Variants in PPIL1 observed in about 807,000 individuals in gnomAD.
PPIL1 encodes the protein peptidylprolyl isomerase like 1.
PPIL1 carries 14 observed loss-of-function variants against 19.4 expected under a neutral mutation model. That is an observed-to-expected ratio of 0.72 (90% CI 0.48 to 1.13). The LOEUF (loss-of-function observed/expected upper bound fraction) is 1.13, where lower values mean the gene tolerates loss of function less well. Ranked by LOEUF, PPIL1 falls within the 50% of genes most tolerant of loss-of-function variation. PPIL1 has a pLI of 0.00. For synonymous variants in PPIL1, 72 were observed against 73.6 expected, an observed-to-expected ratio of 0.98 and a Z score of 0.11; for missense variants, 192 against 218.0, an observed-to-expected ratio of 0.88 and a Z score of 0.75.
At chr6:36,857,322 C>T (rs989289032) in intron 2 of PPIL1, among the ~76,000 whole-genome samples, 1 of 152,102 alleles carries the variant, frequency 6.6e-6, no homozygotes, top group Non-Finnish European at 1.5e-5. Flanking sequence ...ACATTACGGT[C>T]GGCAGAGTCC....
chr6:36,859,657 G>A (rs1401531876), intron 2 of PPIL1, among the ~76,000 whole-genome samples: 1 of 152,230 alleles, frequency 6.6e-6, no homozygotes, highest in Non-Finnish European at 1.5e-5. Context: ...AGTGAGAGGT[G>A]GCAGAGGGAC....
At chr6:36,867,485 A>G (rs977763580) in intron 2 of PPIL1, among the ~76,000 whole-genome samples, 5 of 152,384 alleles carry the variant, frequency 3.3e-5, no homozygotes, top group African/African-American at 7.2e-5. Flanking sequence ...TGAGATTCTC[A>G]CAAATACCCT....
intron 1 of PPIL1, 134 bp downstream of exon 1, chr6:36,874,583 C>A: frequency 2.5e-6 from 3 of 1,211,610 alleles, no homozygotes; most frequent in Non-Finnish European, 3.6e-6. Context: ...CCTCTGGGGG[C>A]CGTCTCGGCC....
rs891013396 is a variant in PPIL1, at chr6:36,855,355, G to A, written c.*458C>T. 4 of 191,612 alleles carry A rather than the reference G, an allele frequency of 2.1e-5. No individual in the cohort carries two copies. The highest frequency in any genetic ancestry group is 1.1e-4 in the South Asian group (1 of 9,446). The allele number at this position is 191,612 out of a possible 1,614,324, so 11.9% of individuals were successfully genotyped here. On this transcript the variant is annotated 3_prime_UTR_variant, in exon 4 of 4. Transcript: ENST00000373699. ...CAAATGTAAAAGACTGAAATAGGGC[G>A]TGCACAGAGTTAAGAGGGCTGACAG...
At chr6:36,862,169 G>A (rs1441418129) in intron 2 of PPIL1, among the ~76,000 whole-genome samples, 11 of 85,244 alleles carry the variant, frequency 1.3e-4, no homozygotes, top group Non-Finnish European at 1.6e-4. Context: ...ACTTGTCCCC[G>A]CCCCTCCCAC....
At chr6:36,868,958 T>C (rs1335737810) in intron 2 of PPIL1, among the ~76,000 whole-genome samples, 1 of 152,136 alleles carries the variant, frequency 6.6e-6, no homozygotes, top group African/African-American at 2.4e-5. Context: ...TGGTCTTTTT[T>C]TCTTCCTTTT....
intron 2 of PPIL1, among the ~76,000 whole-genome samples, chr6:36,868,525 T>G (rs1484705612): frequency 6.6e-6 from 1 of 152,128 alleles, no homozygotes; most frequent in Admixed American, 6.5e-5. Flanking sequence ...GCCTCAGTAT[T>G]CTCCAAAACC....
Position 36,871,693 on chromosome 6 carries a change from TAAAC to T in PPIL1, c.211+21_211+24del. The T allele has an allele frequency of 1.9e-6, 3 of 1,560,844 alleles. No homozygotes were observed. The South Asian group carries it at 3.7e-5, about 19-fold the overall frequency. ...AAAAGGAGAAAAAAAAAAGAAAACATAAACTAATGTTGGCTTAACTGTACCTGTC... is the reference window on the plus strand; with the variant it reads ...AAAAGGAGAAAAAAAAAAGAAAACATTAATGTTGGCTTAACTGTACCTGTC... On this transcript the variant is annotated intron_variant, in intron 2 of 3. Transcript: ENST00000373699.
intron 2 of PPIL1, among the ~76,000 whole-genome samples, chr6:36,869,850 A>G (rs1179063582): frequency 1.3e-5 from 2 of 152,232 alleles, no homozygotes; most frequent in Non-Finnish European, 2.9e-5. Flanking sequence ...AATTAAATGT[A>G]ATATGTTCTG....
At chr6:36,859,682 G>C (rs1774240322) in intron 2 of PPIL1, among the ~76,000 whole-genome samples, 1 of 152,116 alleles carries the variant, frequency 6.6e-6, no homozygotes, top group African/African-American at 2.4e-5. Flanking sequence ...AATGATTAAA[G>C]AGTTCTCCAG....
Position 36,855,776 on chromosome 6 carries a change from G to A in PPIL1, c.*37C>T, listed in dbSNP as rs768198408. 16 of 1,593,374 alleles carry A rather than the reference G, an allele frequency of 1.0e-5. No individual in the cohort carries two copies. The Admixed American group carries it at 2.5e-4, about 25-fold the overall frequency. On this transcript the variant is annotated 3_prime_UTR_variant, in exon 4 of 4. Coordinates refer to ENST00000373699, the MANE Select transcript of PPIL1 (RefSeq NM_016059.5). ...TGTCATCTAGAAGCTGGTTCACTGGGGCCATCTCAGAAGAGCTGCTCAAGA... is the reference window on the plus strand; with the variant it reads ...TGTCATCTAGAAGCTGGTTCACTGGAGCCATCTCAGAAGAGCTGCTCAAGA...
rs1280288281 is a variant in PPIL1 at position 36,855,302 on chromosome 6, A to T, written c.*511T>A. The T allele has an allele frequency of 1.9e-5, 3 of 161,144 alleles. No individual in the cohort carries two copies. Among genetic ancestry groups the T allele is most frequent in the African/African-American group, 4.8e-5 (2 of 41,562 alleles). 10.0% of individuals were successfully genotyped at this position (161,144 alleles called of 1,614,324 possible). On this transcript the variant is annotated 3_prime_UTR_variant, in exon 4 of 4. Coordinates refer to ENST00000373699, the MANE Select transcript of PPIL1 (RefSeq NM_016059.5). ...TCTGGTTTTGAGAGGGAAAATATAT[A>T]TAGAGATGCATACATTCCCTAGAAG...
chr6:36,870,110 A>AC (rs35802717), intron 2 of PPIL1, among the ~76,000 whole-genome samples: 29,711 of 151,066 alleles, frequency 0.2, 3,165 homozygotes, highest in East Asian at 0.28. Flanking sequence ...AAAAAAAAAA[A>AC]AACCCAAAAA....
At chr6:36,872,634 G>T (rs898987233) in intron 1 of PPIL1, among the ~76,000 whole-genome samples, 21 of 151,586 alleles carry the variant, frequency 1.4e-4, no homozygotes, top group Non-Finnish European at 2.9e-4. Flanking sequence ...TTTGAGAAAG[G>T]GTCTCCTCTG....
chr6:36,871,696 A>G, intron 2 of PPIL1, 22 bp downstream of exon 2: 2 of 1,565,886 alleles, frequency 1.3e-6, no homozygotes, highest in South Asian at 1.2e-5. Context: ...GAAAACATAA[A>G]CTAATGTTGG....
At chr6:36,857,208 T>C (rs963293063) in intron 2 of PPIL1, among the ~76,000 whole-genome samples, 3 of 152,192 alleles carry the variant, frequency 2.0e-5, no homozygotes, top group African/African-American at 7.2e-5. Flanking sequence ...AGTTGAAACC[T>C]ATTTGCCACC....
chr6:36,858,384 G>C (rs1379603385), intron 2 of PPIL1, among the ~76,000 whole-genome samples: 1 of 151,992 alleles, frequency 6.6e-6, no homozygotes, highest in African/African-American at 2.4e-5. Context: ...TCTCCAAGTT[G>C]AACGGTCACG....
At position 36,854,912 on chromosome 6, in the gene PPIL1, C is replaced by T. The variant is rs1774137315; in HGVS notation, c.*901G>A. 6.5e-6 allele frequency: 1 copy of T among 152,682 alleles called. No homozygotes were observed. The highest frequency in any genetic ancestry group is 2.4e-5 in the African/African-American group (1 of 41,468). The allele number at this position is 152,682 out of a possible 1,614,324, so 9.5% of individuals were successfully genotyped here. A position where few individuals can be genotyped will look rare whatever the true frequency, so the allele number is the denominator to read the frequency against. Reference sequence around the variant, plus strand: ...TTCCTTCCTCTCCTGCTCCTCCCCACAAAATCCAGAAAGTTATTTTTATAC... The same window carrying T: ...TTCCTTCCTCTCCTGCTCCTCCCCATAAAATCCAGAAAGTTATTTTTATAC... On this transcript the variant is annotated 3_prime_UTR_variant, in exon 4 of 4. Coordinates refer to ENST00000373699, the MANE Select transcript of PPIL1 (RefSeq NM_016059.5).
chr6:36,868,038 G>A (rs1353154474), intron 2 of PPIL1, among the ~76,000 whole-genome samples: 1 of 152,208 alleles, frequency 6.6e-6, no homozygotes, highest in African/African-American at 2.4e-5. Context: ...AGGAGGAGGG[G>A]AGAAAGGAAA....
Sources: allele counts gnomAD v4.1 joint callset (sites outside exome capture counted in the v4.1 genomes callset), GRCh38; gene constraint gnomAD v4.1.1; transcripts MANE v1.5; gene names NCBI Gene and HGNC (gene_info 2026-07-23, HGNC 2026-07-21).